SIK3: variants seen among roughly 807,000 people sequenced by gnomAD.
The protein encoded by SIK3 is SIK family kinase 3.
A neutral mutation model predicts 144.2 loss-of-function variants in SIK3; 28 were observed. The observed-to-expected ratio is 0.19, with a 90% CI of 0.14 to 0.27. The LOEUF is 0.27. SIK3 is among the 10% of genes least tolerant of loss of function. The pLI, the probability that SIK3 is intolerant of heterozygous loss-of-function variation, is 1.00. For synonymous variants in SIK3, 686 were observed against 676.3 expected, an observed-to-expected ratio of 1.01 and a Z score of -0.22; for missense variants, 1,319 against 1,776.0, an observed-to-expected ratio of 0.74 and a Z score of 4.62.
At chr11:116,938,627 AGAG>A (rs1948115599) in intron 3 of SIK3, among the ~76,000 whole-genome samples, 1 of 12,756 alleles carries the variant, frequency 7.8e-5, no homozygotes, top group Non-Finnish European at 2.3e-4. Context: ...GGAGGGGAGG[AGAG>A]GAGAGGAGAG....
chr11:116,968,257 C>A (rs1230261729), intron 1 of SIK3, among the ~76,000 whole-genome samples: 3 of 152,186 alleles, frequency 2.0e-5, no homozygotes, highest in Non-Finnish European at 4.4e-5. Flanking sequence ...ATTCTCCTGC[C>A]TCAGCCTCCC....
Position 116,857,905 on chromosome 11 carries a change from A to G in SIK3, c.3560T>C (p.Leu1187Ser). 1 of 1,614,170 alleles carries G rather than the reference A, an allele frequency of 6.2e-7. No homozygotes were observed. Among genetic ancestry groups the G allele is most frequent in the Non-Finnish European group, 8.5e-7 (1 of 1,180,026 alleles). Residue 1187 changes from leucine to serine, a missense_variant, in exon 21 of 25, where the codon TTG becomes TCG. Around this residue, in one of 8 missense-constraint regions of SIK3, gnomAD observed 646 missense variants for 763.7 expected, o/e 0.85. Coordinates refer to ENST00000445177, the MANE Select transcript of SIK3 (RefSeq NM_001366686.3). ...STGGPGDPES[L>S]LGTVSHAQEL... The stretch of plus-strand genomic sequence containing the variant: ...TTGGGCATGACTCACAGTTCCTAGC[A>G]AAGATTCAGGGTCCCCAGGTCCACC...
chr11:117,094,029 A>G (rs1252999857), intron 1 of SIK3, among the ~76,000 whole-genome samples: 2 of 152,142 alleles, frequency 1.3e-5, no homozygotes, highest in Non-Finnish European at 2.9e-5. Context: ...CTTTACATAC[A>G]CTATCTTCTT....
intron 1 of SIK3, among the ~76,000 whole-genome samples, chr11:117,051,279 T>G (rs1312709198): frequency 6.6e-6 from 1 of 152,112 alleles, no homozygotes; most frequent in Admixed American, 6.6e-5. Context: ...CCTTCAGCCT[T>G]GATTCCCCTG....
At chr11:116,869,802 T>A (rs914162888) in intron 14 of SIK3, 1 of 277,156 alleles carries the variant, frequency 3.6e-6, no homozygotes, top group African/African-American at 2.2e-5. Flanking sequence ...GATATTTGCA[T>A]CTGTCCCTGG....
At chr11:116,851,993 C>A (rs1942491058) in intron 21 of SIK3, among the ~76,000 whole-genome samples, 1 of 152,208 alleles carries the variant, frequency 6.6e-6, no homozygotes, top group Non-Finnish European at 1.5e-5. Flanking sequence ...TTCCTTTAAG[C>A]CTGATTATAT....
intron 21 of SIK3, among the ~76,000 whole-genome samples, chr11:116,852,402 A>G (rs967603479): frequency 6.6e-6 from 1 of 152,222 alleles, no homozygotes. Context: ...CTCCCAGCCC[A>G]GAGCTCATCC....
intron 4 of SIK3, among the ~76,000 whole-genome samples, chr11:116,924,498 A>G (rs1947168547): frequency 6.6e-6 from 1 of 152,138 alleles, no homozygotes; most frequent in African/African-American, 2.4e-5. Context: ...TAAGAATTGC[A>G]AACTATACTA....
intron 16 of SIK3, among the ~76,000 whole-genome samples, chr11:116,862,832 G>A (rs1943423999): frequency 2.6e-5 from 4 of 152,174 alleles, no homozygotes; most frequent in Admixed American, 2.6e-4. Flanking sequence ...CTAGCACTTT[G>A]GGAGGCCGAG....
Position 116,877,119 on chromosome 11 carries a change from C to T in SIK3, c.866-77G>A, listed in dbSNP as rs964357508. The T allele has an allele frequency of 8.0e-6, 10 of 1,253,414 alleles. No homozygotes were observed. In the Admixed American group the frequency reaches 1.3e-4, roughly 17 times the overall value. The allele number at this position is 1,253,414 out of a possible 1,614,324, so 77.6% of individuals were successfully genotyped here. On this transcript the variant is annotated intron_variant, in intron 6 of 24. Coordinates refer to ENST00000445177, the MANE Select transcript of SIK3 (RefSeq NM_001366686.3). ...GGGAGTAGAGGAACCAGGGGCAAAG[C>T]CAGCAGGGAGGCTATCCAACTCCCT...
At chr11:117,027,529 C>G (rs1047743703) in intron 1 of SIK3, among the ~76,000 whole-genome samples, 1 of 151,910 alleles carries the variant, frequency 6.6e-6, no homozygotes, top group African/African-American at 2.4e-5. Context: ...ATGGTGCAAT[C>G]TCGGCTCACT....
intron 3 of SIK3, among the ~76,000 whole-genome samples, chr11:116,946,218 T>C (rs1167374220): frequency 6.6e-6 from 1 of 152,060 alleles, no homozygotes; most frequent in African/African-American, 2.4e-5. Flanking sequence ...CGAATCAAAA[T>C]AAAACAAACC....
Position 116,867,705 on chromosome 11 carries a change from G to T in SIK3, c.1952+241C>A. Reference sequence around the variant, plus strand: ...ACATCTAGAATCATGGGAATCAAATGCAGACAATAAACAGGTCTGCAAGGT... The same window carrying T: ...ACATCTAGAATCATGGGAATCAAATTCAGACAATAAACAGGTCTGCAAGGT... On this transcript the variant is annotated intron_variant, in intron 15 of 24. Transcript: ENST00000445177. This position sits in a 1 kb window ranked among gnomAD's most constrained non-coding sequence, Gnocchi z 4.1. 2.7e-6 allele frequency: 1 copy of T among 374,762 alleles called. No individual in the cohort carries two copies. The highest frequency in any genetic ancestry group is 4.3e-5 in the Admixed American group (1 of 23,210). The allele number at this position is 374,762 out of a possible 1,614,324, so 23.2% of individuals were successfully genotyped here.
At chr11:117,023,605 CAAACAAAAAA>C (rs1483032930) in intron 1 of SIK3, among the ~76,000 whole-genome samples, 7 of 64,126 alleles carry the variant, frequency 1.1e-4, no homozygotes, top group Non-Finnish European at 1.8e-4. Flanking sequence ...AACAAACAAA[CAAACAAAAAA>C]AAAAAAATAT....
At chr11:116,940,043 T>C (rs1388676285) in intron 3 of SIK3, among the ~76,000 whole-genome samples, 1 of 152,208 alleles carries the variant, frequency 6.6e-6, no homozygotes, top group African/African-American at 2.4e-5. Flanking sequence ...TGCTGTTGTA[T>C]GTAAGAATGG....
At chr11:117,035,051 T>C (rs1456037747) in intron 1 of SIK3, among the ~76,000 whole-genome samples, 1 of 152,246 alleles carries the variant, frequency 6.6e-6, no homozygotes, top group East Asian at 1.9e-4. Context: ...TAATATTTTA[T>C]TGTATGAATA....
chr11:116,919,641 C>A (rs925978450), intron 4 of SIK3, among the ~76,000 whole-genome samples: 1 of 152,178 alleles, frequency 6.6e-6, no homozygotes, highest in Admixed American at 6.5e-5. Flanking sequence ...TTTTCTCAGG[C>A]AATCTATTTT....
At chr11:116,865,380 A>G (rs990620398) in intron 15 of SIK3, among the ~76,000 whole-genome samples, 26 of 152,158 alleles carry the variant, frequency 1.7e-4, no homozygotes, top group African/African-American at 5.8e-4. Flanking sequence ...ACTGATACCC[A>G]GGTCAGTCCA....
intron 22 of SIK3, among the ~76,000 whole-genome samples, chr11:116,848,577 G>C (rs571539511): frequency 6.6e-4 from 101 of 152,274 alleles, no homozygotes; most frequent in Non-Finnish European, 1.1e-3. Flanking sequence ...CTCATTTGCT[G>C]GGGCCTGAGT....
Sources: gnomAD v4.1 joint callset for allele counts (sites outside exome capture counted in the v4.1 genomes callset) on GRCh38, gnomAD v4.1.1 for gene constraint, gnomAD v4.1.1 regional missense constraint, Gnocchi (gnomAD v3.1) non-coding constraint, MANE v1.5 for transcripts, NCBI Gene and HGNC (gene_info 2026-07-23, HGNC 2026-07-21) for gene names.